The following WWC2 variants were observed in gnomAD, a reference collection of about 807,000 sequenced individuals.
WWC2 encodes protein WWC2.
WWC2 carries 101 observed loss-of-function variants against 138.5 expected under a neutral mutation model. The ratio of observed to expected loss-of-function variants is 0.73; its 90% CI spans 0.62 to 0.86. WWC2 has a LOEUF of 0.86. WWC2 is among the 40% of genes least tolerant of loss of function. The pLI is 0.00. For synonymous variants in WWC2, 558 were observed against 538.4 expected (o/e 1.04, Z -0.50); for missense variants, 1,420 against 1,419.4 (o/e 1.00, Z -0.01).
At chr4:183,113,480 C>CTGTGTGTGTGTGTATGTG (rs1554064951) in intron 1 of WWC2, among the ~76,000 whole-genome samples, 1 of 143,708 alleles carries the variant, frequency 7.0e-6, no homozygotes, top group African/African-American at 2.6e-5. Flanking sequence ...AAGGTGGGGC[C>CTGTGTGTGTGTGTATGTG]TGTGTGTGTG....
intron 20 of WWC2, among the ~76,000 whole-genome samples, chr4:183,287,663 A>G (rs1211767816): frequency 1.3e-5 from 2 of 152,228 alleles, no homozygotes; most frequent in East Asian, 1.9e-4. Context: ...TAAGCAAGGT[A>G]TAGAGGTGTA....
chr4:183,198,355 G>A (rs1180319314), intron 2 of WWC2, among the ~76,000 whole-genome samples: 1 of 151,898 alleles, frequency 6.6e-6, no homozygotes, highest in Non-Finnish European at 1.5e-5. Flanking sequence ...TTTTCATATT[G>A]ATACACACAT....
intron 4 of WWC2, among the ~76,000 whole-genome samples, chr4:183,216,724 A>G (rs922418125): frequency 2.0e-5 from 3 of 152,206 alleles, no homozygotes; most frequent in Non-Finnish European, 4.4e-5. Flanking sequence ...GAGACAGAAG[A>G]GAAAAGTTCA....
intron 22 of WWC2, among the ~76,000 whole-genome samples, chr4:183,313,269 C>G (rs1289018881): frequency 6.6e-6 from 1 of 152,164 alleles, no homozygotes; most frequent in Non-Finnish European, 1.5e-5. Context: ...AGAAGGCTTC[C>G]ACCCGTGGTC....
intron 1 of WWC2, among the ~76,000 whole-genome samples, chr4:183,185,045 A>G (rs567884148): frequency 9.1e-4 from 138 of 152,290 alleles, no homozygotes; most frequent in African/African-American, 3.1e-3. Flanking sequence ...CTTTTAAACA[A>G]TAGCACTCAA....
chr4:183,161,535 TAG>T (rs1008496590), intron 1 of WWC2, among the ~76,000 whole-genome samples: 3 of 152,198 alleles, frequency 2.0e-5, no homozygotes, highest in Admixed American at 6.6e-5. Context: ...GAATTGAACA[TAG>T]AGTTATAGAA....
chr4:183,231,735 T>A (rs1401166703), intron 4 of WWC2, among the ~76,000 whole-genome samples: 3 of 151,832 alleles, frequency 2.0e-5, no homozygotes, highest in East Asian at 1.9e-4. Flanking sequence ...GTTGTCCAGC[T>A]TGGACTCAAA....
intron 1 of WWC2, among the ~76,000 whole-genome samples, chr4:183,114,184 C>T (rs1732339436): frequency 6.6e-6 from 1 of 152,066 alleles, no homozygotes; most frequent in Admixed American, 6.6e-5. Flanking sequence ...CACCTCCTCC[C>T]CCCGCCATCC....
At chr4:183,177,238 C>G (rs1734494056) in intron 1 of WWC2, among the ~76,000 whole-genome samples, 2 of 152,180 alleles carry the variant, frequency 1.3e-5, no homozygotes, top group Admixed American at 1.3e-4. Context: ...TCTGTGACTT[C>G]CACAACAGGT....
chr4:183,166,159 T>C (rs1051906088), intron 1 of WWC2, among the ~76,000 whole-genome samples: 4 of 152,172 alleles, frequency 2.6e-5, no homozygotes, highest in Non-Finnish European at 4.4e-5. Flanking sequence ...CCCCCAGATA[T>C]AGCCAGGTTT....
At chr4:183,255,777 G>C (rs1737114928) in intron 9 of WWC2, among the ~76,000 whole-genome samples, 1 of 151,872 alleles carries the variant, frequency 6.6e-6, no homozygotes. Flanking sequence ...TTGTTCCTGA[G>C]AACCTAAACT....
At chr4:183,103,723 C>T (rs947230324) in intron 1 of WWC2, among the ~76,000 whole-genome samples, 2 of 150,880 alleles carry the variant, frequency 1.3e-5, no homozygotes, top group African/African-American at 2.4e-5. Flanking sequence ...CTGCAACCTC[C>T]GCCGCCTGGG....
At chr4:183,210,680 C>T (rs1414161457) in intron 4 of WWC2, among the ~76,000 whole-genome samples, 2 of 152,184 alleles carry the variant, frequency 1.3e-5, no homozygotes, top group Non-Finnish European at 1.5e-5. Flanking sequence ...TATACTAATG[C>T]AAGCCCGTAT....
chr4:183,152,398 C>T (rs901166262), intron 1 of WWC2, among the ~76,000 whole-genome samples: 1 of 151,802 alleles, frequency 6.6e-6, no homozygotes, highest in Non-Finnish European at 1.5e-5. Flanking sequence ...ACTTGGGAGG[C>T]AGAGGTGGGA....
intron 16 of WWC2, among the ~76,000 whole-genome samples, chr4:183,280,229 G>GTTTTTTTTTTTTTTTTTTTTTTTTT (rs869235261): frequency 4.6e-5 from 3 of 65,430 alleles, no homozygotes; most frequent in African/African-American, 6.1e-5. Context: ...GATAGCAGCT[G>GTTTTTTTTTTTTTTTTTTTTTTTTT]TTTTTTTTTT....
At chr4:183,131,155 C>T (rs1732913600) in intron 1 of WWC2, among the ~76,000 whole-genome samples, 1 of 152,112 alleles carries the variant, frequency 6.6e-6, no homozygotes, top group Admixed American at 6.5e-5. Flanking sequence ...TGGTATTGGC[C>T]ATCTATATGC....
Position 183,261,428 on chromosome 4 carries a change from A to T in WWC2, c.1805A>T (p.Asn602Ile). ...SHFADISLIE[N>I]QILLDSDSGG... ...TTTGCAGATATCAGCCTCATCGAAA[A>T]TCAGATTTTGCTGGATTCTGATTCA... is the stretch of plus-strand genomic sequence containing the variant. Residue 602 changes from asparagine (N) to isoleucine (I), a missense_variant, in exon 11 of 23, where the codon AAT becomes ATT. Coordinates refer to ENST00000403733, the MANE Select transcript of WWC2 (RefSeq NM_024949.6). The T allele has an allele frequency of 6.2e-7, 1 of 1,612,714 alleles. No homozygotes were observed. Among genetic ancestry groups the T allele is most frequent in the African/African-American group, 1.3e-5 (1 of 75,038 alleles).
At chr4:183,279,926 T>A (rs1168495230) in intron 16 of WWC2, among the ~76,000 whole-genome samples, 1 of 152,282 alleles carries the variant, frequency 6.6e-6, no homozygotes, top group East Asian at 1.9e-4. Flanking sequence ...TTTTAGCATA[T>A]TATTCATAAA....
intron 1 of WWC2, among the ~76,000 whole-genome samples, chr4:183,123,926 C>T (rs112373347): frequency 6.6e-6 from 1 of 151,698 alleles, no homozygotes; most frequent in Admixed American, 6.6e-5. Context: ...CTTTTGATGC[C>T]TTGTTTACCA....
Sources: gnomAD v4.1 joint callset for allele counts (sites outside exome capture counted in the v4.1 genomes callset) on GRCh38, gnomAD v4.1.1 for gene constraint, MANE v1.5 for transcripts, NCBI Gene and HGNC (gene_info 2026-07-23, HGNC 2026-07-21) for gene names.